Variants in PLAAT3 observed in about 807,000 individuals in gnomAD.
The protein encoded by PLAAT3 is phospholipase A and acyltransferase 3.
Under a neutral mutation model 16.7 loss-of-function variants are expected in PLAAT3, and 21 were observed. The ratio of observed to expected loss-of-function variants is 1.26; its 90% confidence interval spans 0.89 to 1.81. The LOEUF (loss-of-function observed/expected upper bound fraction) is 1.81, where lower values mean the gene tolerates loss of function less well. Ranked by LOEUF, PLAAT3 falls within the 40% of genes most tolerant of loss-of-function variation. The pLI is 0.00. For missense variants in PLAAT3, 219 were observed against 213.7 expected, an observed-to-expected ratio of 1.02 and a Z score of -0.16; for synonymous variants, 76 against 81.7, an observed-to-expected ratio of 0.93 and a Z score of 0.38.
intron 2 of PLAAT3, among the ~76,000 whole-genome samples, chr11:63,599,214 A>C (rs147054912): frequency 6.6e-5 from 10 of 152,358 alleles, no homozygotes; most frequent in Non-Finnish European, 1.5e-4. Flanking sequence ...AGAGCCCATC[A>C]GAGGCTGGTT....
At chr11:63,615,118 A>G (rs1296072136), upstream of PLAAT3, among the ~76,000 whole-genome samples, 3 of 34,312 alleles carry the variant, frequency 8.7e-5, 1 homozygote, top group Non-Finnish European at 2.4e-4. Context: ...GTGTGTATAT[A>G]TGTGTGTATA....
At chr11:63,614,977 T>G (rs1938794964), upstream of PLAAT3, among the ~76,000 whole-genome samples, 1 of 144,484 alleles carries the variant, frequency 6.9e-6, no homozygotes, top group South Asian at 2.3e-4. Flanking sequence ...ATCGCGCCAC[T>G]GCACTCTAGC....
intron 4 of PLAAT3, among the ~76,000 whole-genome samples, chr11:63,579,049 A>G (rs1462958902): frequency 6.6e-6 from 1 of 152,192 alleles, no homozygotes; most frequent in Non-Finnish European, 1.5e-5. Context: ...CAACCCCATC[A>G]AAAAGTGGGC....
intron 4 of PLAAT3, among the ~76,000 whole-genome samples, chr11:63,582,467 T>C (rs937375357): frequency 6.6e-6 from 1 of 152,192 alleles, no homozygotes; most frequent in Admixed American, 6.5e-5. Flanking sequence ...AGAACTGTAC[T>C]GAGAGCTAAT....
intron 2 of PLAAT3, among the ~76,000 whole-genome samples, chr11:63,598,880 A>C (rs1216167967): frequency 6.6e-6 from 1 of 152,220 alleles, no homozygotes; most frequent in Non-Finnish European, 1.5e-5. Context: ...GTGAGGGTGG[A>C]TGCATGAGTG....
chr11:63,597,536 A>T (rs1335528020), intron 3 of PLAAT3, among the ~76,000 whole-genome samples: 3 of 152,118 alleles, frequency 2.0e-5, no homozygotes, highest in Non-Finnish European at 4.4e-5. Flanking sequence ...AAAAAAAACA[A>T]AAAACAAAAC....
chr11:63,575,131 A>G, intron 4 of PLAAT3, 85 bp from the exon 5 acceptor site: 1 of 894,532 alleles, frequency 1.1e-6, no homozygotes, highest in Middle Eastern at 2.4e-4. Context: ...TCAGCTCGGG[A>G]TACCTCACAT....
upstream of PLAAT3, among the ~76,000 whole-genome samples, chr11:63,615,380 A>G (rs1406036321): frequency 3.6e-4 from 29 of 80,050 alleles, 4 homozygotes; most frequent in African/African-American, 9.9e-4. Context: ...ATATGTGTGT[A>G]TATATATGTG....
At position 63,596,322 on chromosome 11, in the gene PLAAT3, C is replaced by T. The variant is rs139914154; in HGVS notation, c.118+1739G>A. On this transcript the variant is annotated intron_variant, in intron 3 of 4. Coordinates refer to ENST00000415826, the MANE Select transcript of PLAAT3 (RefSeq NM_001128203.2). ...TAAAAAACACATCAAAACAGAGCTT[C>T]GTCCTCAGATGCCACCTTGGTCCCT... Among the ~76,000 whole-genome samples the T allele has an allele frequency of 7.1e-3, 1,071 of 150,524 alleles. 3 individuals are homozygous for T. The highest frequency in any genetic ancestry group is 0.028 in the Middle Eastern group (8 of 290).
At chr11:63,615,082 A>G (rs12790625), upstream of PLAAT3, among the ~76,000 whole-genome samples, 110 of 32,914 alleles carry the variant, frequency 3.3e-3, 10 homozygotes, top group African/African-American at 4.8e-3. Context: ...ATATGTGTGT[A>G]TATATGTGTA....
In PLAAT3 at chr11:63,575,060, G is replaced by A. The variant is rs1188478970; in HGVS notation, c.388-14C>T. ...GACATCTCTGACCTGCAACAAAGAA[G>A]AGGGTGGGTCACACTCTGTGTCAGG... On this transcript the variant is annotated splice_polypyrimidine_tract_variant and intron_variant, in intron 4 of 4. Coordinates refer to ENST00000415826, the MANE Select transcript of PLAAT3 (RefSeq NM_001128203.2). The A allele has an allele frequency of 6.4e-7, 1 of 1,566,482 alleles. No homozygotes were observed. The highest frequency in any genetic ancestry group is 2.2e-5 in the East Asian group (1 of 44,662).
intron 3 of PLAAT3, among the ~76,000 whole-genome samples, chr11:63,593,575 G>A: frequency 6.6e-6 from 1 of 152,228 alleles, no homozygotes; most frequent in East Asian, 1.9e-4. Context: ...TTTGGTTTTG[G>A]TTTGTTTTTT....
At chr11:63,612,804 CATG>C (rs1938725621) in intron 2 of PLAAT3, among the ~76,000 whole-genome samples, 1 of 152,068 alleles carries the variant, frequency 6.6e-6, no homozygotes. Flanking sequence ...TTTTTACTCT[CATG>C]ATTACATATA....
intron 4 of PLAAT3, among the ~76,000 whole-genome samples, chr11:63,580,253 A>T (rs1937767302): frequency 6.6e-6 from 1 of 152,262 alleles, no homozygotes; most frequent in African/African-American, 2.4e-5. Flanking sequence ...AAGCCCCAAA[A>T]GGTGTCCATG....
chr11:63,597,482 C>T (rs569742025), intron 3 of PLAAT3, among the ~76,000 whole-genome samples: 10 of 152,198 alleles, frequency 6.6e-5, no homozygotes, highest in East Asian at 1.9e-4. Flanking sequence ...GCCGAGATTG[C>T]GCCACTGCAC....
chr11:63,595,290 C>T (rs138044193), intron 3 of PLAAT3, among the ~76,000 whole-genome samples: 1,101 of 75,776 alleles, frequency 0.015, 16 homozygotes, highest in African/African-American at 0.045. Flanking sequence ...GACTCCGTCT[C>T]GGAAAAAAAA....
intron 4 of PLAAT3, among the ~76,000 whole-genome samples, chr11:63,584,508 GT>G (rs59460211): frequency 0.64 from 89,538 of 140,052 alleles, 28,925 homozygotes; most frequent in East Asian, 0.93. Flanking sequence ...TTTTTTTTTT[GT>G]TTTTTTTTGT....
At position 63,590,110 on chromosome 11, in the gene PLAAT3, C is replaced by A. The variant is rs1037394961; in HGVS notation, c.377G>T (p.Arg126Leu). The change falls in exon 4 of 5, where the codon CGC becomes CTC. Residue 126 changes from arginine (R) to leucine (L), a missense_variant. Arg to Leu is a moderately radical substitution (Grantham distance 102, BLOSUM62 -2). Transcript: ENST00000415826. ...AGGCAGAGGACGCACCTGGTCACTG[C>A]GGGCGACTCCATAGCGCAGCTCATT... ...FVNELRYGVA[R>L]SDQVRDVIIA... 6 of 1,613,458 alleles carry A rather than the reference C, an allele frequency of 3.7e-6. No individual in the cohort carries two copies. Among genetic ancestry groups the A allele is most frequent in the Non-Finnish European group, 4.2e-6 (5 of 1,179,712 alleles).
At chr11:63,599,170 G>A (rs976374068) in intron 2 of PLAAT3, among the ~76,000 whole-genome samples, 1 of 152,194 alleles carries the variant, frequency 6.6e-6, no homozygotes, top group East Asian at 1.9e-4. Flanking sequence ...CCTTTAATGA[G>A]CAAAGAAATC....
Sources: gnomAD v4.1 joint callset for allele counts (sites outside exome capture counted in the v4.1 genomes callset) on GRCh38, gnomAD v4.1.1 for gene constraint, MANE v1.5 for transcripts, NCBI Gene and HGNC (gene_info 2026-07-23, HGNC 2026-07-21) for gene names.